ANKRD30BL: variants seen among roughly 807,000 people sequenced by gnomAD.
ANKRD30BL encodes the protein putative ankyrin repeat domain-containing protein 30B-like.
A neutral mutation model predicts 18.4 loss-of-function variants in ANKRD30BL; 20 were observed. The ratio of observed to expected loss-of-function variants is 1.09; its 90% CI spans 0.77 to 1.58. The LOEUF is 1.58. Ranked by LOEUF, ANKRD30BL falls within the 40% of genes most tolerant of loss-of-function variation. The pLI is 0.00. For synonymous variants in ANKRD30BL, 72 were observed against 100.9 expected, an observed-to-expected ratio of 0.71 and a Z score of 1.72; for missense variants, 224 against 268.6, an observed-to-expected ratio of 0.83 and a Z score of 1.16.
intron 1 of ANKRD30BL, among the ~76,000 whole-genome samples, chr2:132,181,291 T>C (rs1688456457): frequency 6.6e-6 from 1 of 151,762 alleles, no homozygotes; most frequent in African/African-American, 2.4e-5. Flanking sequence ...CTGGGCAACA[T>C]GGCGAAACCC....
chr2:132,181,227 A>T (rs1262042504), intron 1 of ANKRD30BL, among the ~76,000 whole-genome samples: 1 of 152,084 alleles, frequency 6.6e-6, no homozygotes, highest in Non-Finnish European at 1.5e-5. Context: ...TAATCTCAGC[A>T]CTTTGGGAGG....
At position 132,161,539 on chromosome 2, in the gene ANKRD30BL, C is replaced by G; in HGVS notation, c.167G>C (p.Arg56Thr). ...ASRGQAWKLE[R>T]MMKKTTMDLN... ...GTCCATTGTCGTCTTCTTCATCATCCTCTCCAGCTTCCAGGCTTGGCCCCG... is the reference window on the plus strand; with the variant it reads ...GTCCATTGTCGTCTTCTTCATCATCGTCTCCAGCTTCCAGGCTTGGCCCCG... The change falls in exon 1 of 6, where the codon AGG becomes ACG. Residue 56 changes from arginine to threonine, a missense_variant. By Grantham distance (71) the Arg-to-Thr change is moderately conservative. This residue lies in a region of ANKRD30BL where 131 missense variants were observed against 128.8 expected (regional missense o/e 1.02). Transcript: ENST00000409867. 6.9e-7 allele frequency: 1 copy of G among 1,456,862 alleles called. No individual in the cohort carries two copies. The allele number at this position is 1,456,862 out of a possible 1,614,324, so 90.2% of individuals were successfully genotyped here.
intron 1 of ANKRD30BL, chr2:132,256,939 G>A (rs1416180681): frequency 2.0e-6 from 1 of 488,638 alleles, no homozygotes; most frequent in South Asian, 1.5e-5. Context: ...AGGGCACCTG[G>A]GAGCCCGCAG....
chr2:132,148,426 G>C (rs1476693840), intron 5 of ANKRD30BL, among the ~76,000 whole-genome samples, 198 bp from the exon 6 acceptor site: 1 of 129,828 alleles, frequency 7.7e-6, no homozygotes, highest in Non-Finnish European at 1.5e-5. Flanking sequence ...GAGTGCAGTG[G>C]CACGATCTCA....
intron 1 of ANKRD30BL, among the ~76,000 whole-genome samples, chr2:132,187,951 T>C (rs1688599238): frequency 6.6e-6 from 1 of 151,982 alleles, no homozygotes; most frequent in South Asian, 2.1e-4. Context: ...TAGTAGACCA[T>C]GTTGGCCTGG....
chr2:132,187,188 G>GTTTTTTTTTTTTTTTTTT (rs1193358076), intron 1 of ANKRD30BL, among the ~76,000 whole-genome samples: 30 of 90,612 alleles, frequency 3.3e-4, no homozygotes, highest in African/African-American at 4.0e-4. Context: ...TTTTTTGTTT[G>GTTTTTTTTTTTTTTTTTT]TTTTTTTTTT....
chr2:132,252,502 C>G (rs1049626939), intron 1 of ANKRD30BL, among the ~76,000 whole-genome samples: 2 of 150,880 alleles, frequency 1.3e-5, no homozygotes, highest in Non-Finnish European at 3.0e-5. Flanking sequence ...TGGCAGGCTT[C>G]CAGCCCCAGA....
At chr2:132,231,810 G>T (rs1680025811) in intron 1 of ANKRD30BL, among the ~76,000 whole-genome samples, 2 of 152,230 alleles carry the variant, frequency 1.3e-5, no homozygotes, top group Admixed American at 6.5e-5. Flanking sequence ...AAAGCAGCCA[G>T]GAAGCTCGAA....
At chr2:132,236,084 G>A (rs1680143153) in intron 1 of ANKRD30BL, among the ~76,000 whole-genome samples, 2 of 152,132 alleles carry the variant, frequency 1.3e-5, no homozygotes, top group Non-Finnish European at 2.9e-5. Context: ...AACAAGCAAT[G>A]GGGAAAGGAT....
Position 132,222,832 on chromosome 2 carries a change from TAAAAAAAAAAA to T in ANKRD30BL, n.441+34686_441+34696del, listed in dbSNP as rs71001178. On this transcript the variant is annotated intron_variant and non_coding_transcript_variant, in intron 1 of 4. Coordinates refer to the ANKRD30BL transcript ENST00000470729. ...GTGAGAAACAGCCAAGAATGATCAA[TAAAAAAAAAAA>T]AAAAAAAAAAAAAAAAAAAAAGAAA... 6.8e-3 allele frequency among the ~76,000 whole-genome samples: 358 copies of T among 52,836 alleles called. 1 individual carries two copies. The highest frequency in any genetic ancestry group is 0.017 in the African/African-American group (320 of 19,230). The allele number at this position is 52,836 out of a possible 152,430, so 34.7% of individuals were successfully genotyped here. A position where few individuals can be genotyped will look rare whatever the true frequency, so the allele number is the denominator to read the frequency against.
chr2:132,152,860 A>C (rs1470341376), intron 4 of ANKRD30BL: 1 of 152,242 alleles, frequency 6.6e-6, no homozygotes, highest in Non-Finnish European at 1.5e-5. Flanking sequence ...TCAGGTTTTG[A>C]GTGTGAGGAG....
intron 1 of ANKRD30BL, among the ~76,000 whole-genome samples, chr2:132,194,040 C>CTT (rs1203518181): frequency 2.1e-4 from 26 of 124,360 alleles, no homozygotes; most frequent in Admixed American, 1.4e-3. Context: ...ATTTCTCTCT[C>CTT]TCTCTCTCTC....
intron 1 of ANKRD30BL, among the ~76,000 whole-genome samples, chr2:132,196,034 C>T (rs756313023): frequency 2.7e-5 from 4 of 149,740 alleles, no homozygotes; most frequent in Middle Eastern, 3.4e-3. Flanking sequence ...CCCAGCTATT[C>T]GGGAGGCTGG....
At chr2:132,185,284 C>G (rs1213995495) in intron 1 of ANKRD30BL, among the ~76,000 whole-genome samples, 3 of 152,136 alleles carry the variant, frequency 2.0e-5, no homozygotes, top group Non-Finnish European at 2.9e-5. Context: ...ACTTGCACAC[C>G]TCTCAGCAAT....
chr2:132,213,429 A>AT lies in ANKRD30BL; in HGVS notation n.441+44099_441+44100insA, dbSNP rs1553474582. 2.5e-3 allele frequency among the ~76,000 whole-genome samples: 336 copies of AT among 131,966 alleles called. 1 individual carries two copies. Among genetic ancestry groups the AT allele is most frequent in the African/African-American group, 8.1e-3 (301 of 37,318 alleles). 86.6% of individuals were successfully genotyped at this position (131,966 alleles called of 152,430 possible). ...AAACACTCTTTTTGTAGAACCCGCAAGGGACATTTGGTGTGCTTTGAGGCA... is the reference window on the plus strand; with the variant it reads ...AAACACTCTTTTTGTAGAACCCGCAATGGGACATTTGGTGTGCTTTGAGGCA... On this transcript the variant is annotated intron_variant and non_coding_transcript_variant, in intron 1 of 4. Transcript: ENST00000470729.
intron 1 of ANKRD30BL, among the ~76,000 whole-genome samples, chr2:132,203,464 A>G (rs12993678): frequency 1.1e-4 from 16 of 151,234 alleles, no homozygotes; most frequent in African/African-American, 3.9e-4. Flanking sequence ...TTCAATAGAA[A>G]CAATGAGACA....
intron 1 of ANKRD30BL, among the ~76,000 whole-genome samples, chr2:132,257,374 C>T (rs1368243142): frequency 6.6e-6 from 1 of 152,226 alleles, no homozygotes; most frequent in Non-Finnish European, 1.5e-5. Context: ...GCACAGCCAC[C>T]GCTCACGCAG....
intron 1 of ANKRD30BL, among the ~76,000 whole-genome samples, chr2:132,175,199 T>TG (rs1688341430): frequency 6.6e-6 from 1 of 150,936 alleles, no homozygotes; most frequent in South Asian, 2.1e-4. Context: ...CCTCAGTTTT[T>TG]ATTATTATTT....
intron 1 of ANKRD30BL, among the ~76,000 whole-genome samples, chr2:132,181,092 C>A (rs1688452527): frequency 6.6e-6 from 1 of 151,838 alleles, no homozygotes; most frequent in Non-Finnish European, 1.5e-5. Flanking sequence ...TGCAGTGAGC[C>A]AAGATCCCGC....
Sources: allele counts gnomAD v4.1 joint callset (sites outside exome capture counted in the v4.1 genomes callset), GRCh38; gene constraint gnomAD v4.1.1; regional missense constraint gnomAD v4.1.1; transcripts MANE v1.5; gene names NCBI Gene and HGNC (gene_info 2026-07-23, HGNC 2026-07-21).